CSMD1: variants seen among roughly 807,000 people sequenced by gnomAD.
CSMD1 encodes CUB and sushi domain-containing protein 1.
A neutral mutation model predicts 417.5 loss-of-function variants in CSMD1; 213 were observed. That is an observed-to-expected ratio of 0.51 (90% CI 0.46 to 0.57). The LOEUF (loss-of-function observed/expected upper bound fraction) is 0.57, where lower values mean the gene tolerates loss of function less well. Ranked by LOEUF, CSMD1 falls within the 20% of genes least tolerant of loss-of-function variation. The pLI, the probability that CSMD1 is intolerant of heterozygous loss-of-function variation, is 0.00. For synonymous variants in CSMD1, 2,862 were observed against 1,736.8 expected (o/e 1.65, Z -16.11); for missense variants, 6,923 against 4,529.7 (o/e 1.53, Z -15.17).
At chr8:3,394,012 TTATATATATATATATATATATATA>T (rs1175905929) in intron 17 of CSMD1, among the ~76,000 whole-genome samples, 3 of 31,632 alleles carry the variant, frequency 9.5e-5, no homozygotes, top group Non-Finnish European at 1.8e-4. Context: ...AAAAAATAAA[TTATATATATATATATATATATATA>T]TATATATATA....
At chr8:3,115,497 C>T (rs1457310621) in intron 42 of CSMD1, among the ~76,000 whole-genome samples, 3 of 152,132 alleles carry the variant, frequency 2.0e-5, no homozygotes, top group Non-Finnish European at 4.4e-5. Flanking sequence ...CCACTGTGCC[C>T]GGCCTAAAAC....
chr8:3,545,996 T>A (rs1300922325), intron 10 of CSMD1, among the ~76,000 whole-genome samples: 2 of 152,220 alleles, frequency 1.3e-5, no homozygotes, highest in African/African-American at 4.8e-5. Context: ...AACATATTGA[T>A]GAGTCACATG....
intron 6 of CSMD1, among the ~76,000 whole-genome samples, chr8:3,712,440 G>C (rs781528767): frequency 6.2e-5 from 4 of 65,026 alleles, no homozygotes; most frequent in Non-Finnish European, 7.4e-5. Flanking sequence ...CAGACAGACA[G>C]ACAGAGAGAG....
chr8:4,542,858 CA>C (rs1797457820), intron 2 of CSMD1, among the ~76,000 whole-genome samples: 1 of 151,946 alleles, frequency 6.6e-6, no homozygotes, highest in Admixed American at 6.6e-5. Context: ...GTTTTTTTCA[CA>C]GTATATTTCT....
intron 4 of CSMD1, among the ~76,000 whole-genome samples, chr8:4,009,175 T>C (rs920023841): frequency 6.6e-6 from 1 of 152,226 alleles, no homozygotes; most frequent in Non-Finnish European, 1.5e-5. Flanking sequence ...TTTGAATCTA[T>C]TTATTTCTGT....
intron 4 of CSMD1, among the ~76,000 whole-genome samples, chr8:4,002,223 G>C (rs1222735222): frequency 1.3e-5 from 2 of 152,048 alleles, no homozygotes; most frequent in African/African-American, 2.4e-5. Flanking sequence ...GTGTGAGTGT[G>C]TGTGCATGTG....
chr8:4,003,095 T>C (rs767440954), intron 4 of CSMD1, among the ~76,000 whole-genome samples: 5 of 152,132 alleles, frequency 3.3e-5, no homozygotes, highest in Non-Finnish European at 7.4e-5. Flanking sequence ...GCTTTGTATT[T>C]TAAGAAACAA....
At chr8:3,311,331 C>A (rs1056813632) in intron 23 of CSMD1, among the ~76,000 whole-genome samples, 14 of 152,090 alleles carry the variant, frequency 9.2e-5, no homozygotes, top group South Asian at 2.1e-4. Flanking sequence ...CTCACTGCAA[C>A]CTCCATCTCC....
chr8:2,996,546 T>C (rs1301077989), intron 54 of CSMD1, among the ~76,000 whole-genome samples: 1 of 152,240 alleles, frequency 6.6e-6, no homozygotes, highest in African/African-American at 2.4e-5. Context: ...CTCTGCTCCG[T>C]ATGGAGTCCT....
In CSMD1 at chr8:4,453,981, C is replaced by A. The variant is rs546072166; in HGVS notation, c.303-33916G>T. 1.2e-3 allele frequency among the ~76,000 whole-genome samples: 182 copies of A among 151,794 alleles called. 1 individual carries two copies. In the Middle Eastern group the frequency reaches 0.021, roughly 17 times the overall value. ...GGACTACAGGCGCCCGCCACCGCGC[C>A]CGGCTAATTTTTTGTATTTTTTAGT... On this transcript the variant is annotated intron_variant, in intron 2 of 69. Transcript: ENST00000635120.
chr8:3,761,940 G>C (rs181934521), intron 5 of CSMD1, among the ~76,000 whole-genome samples: 13 of 152,098 alleles, frequency 8.5e-5, no homozygotes, highest in Middle Eastern at 6.8e-3. Flanking sequence ...ACTCTCTGAG[G>C]CACCATCATG....
intron 5 of CSMD1, among the ~76,000 whole-genome samples, chr8:3,764,143 A>G (rs979448597): frequency 5.3e-5 from 8 of 152,188 alleles, no homozygotes; most frequent in African/African-American, 1.7e-4. Flanking sequence ...GGGAGTGCAC[A>G]GCACTCTCTC....
chr8:4,426,714 T>G (rs1208343147), intron 2 of CSMD1, among the ~76,000 whole-genome samples: 1 of 147,534 alleles, frequency 6.8e-6, no homozygotes, highest in Non-Finnish European at 1.5e-5. Flanking sequence ...TGCAGTAATA[T>G]TTTATTACTA....
intron 2 of CSMD1, among the ~76,000 whole-genome samples, chr8:4,607,030 G>A (rs753336924): frequency 3.9e-5 from 6 of 152,114 alleles, no homozygotes; most frequent in African/African-American, 1.2e-4. Flanking sequence ...GGTAAAGTTT[G>A]AAAATCGATC....
chr8:3,012,717 C>G (rs181537467), intron 52 of CSMD1, among the ~76,000 whole-genome samples: 2 of 152,294 alleles, frequency 1.3e-5, no homozygotes, highest in African/African-American at 4.8e-5. Flanking sequence ...GAAGATCCAC[C>G]TGTTTAAAAA....
chr8:4,015,146 G>C (rs370242166), intron 4 of CSMD1, among the ~76,000 whole-genome samples: 1 of 152,168 alleles, frequency 6.6e-6, no homozygotes, highest in Non-Finnish European at 1.5e-5. Context: ...AAAATTGAAA[G>C]CTAGGTTTCT....
intron 3 of CSMD1, among the ~76,000 whole-genome samples, chr8:4,271,350 G>A (rs929755023): frequency 1.3e-5 from 2 of 152,128 alleles, no homozygotes; most frequent in Admixed American, 6.6e-5. Context: ...CACTGGCAGT[G>A]CTTGGAAAAT....
At chr8:4,227,588 C>G (rs993746285) in intron 3 of CSMD1, among the ~76,000 whole-genome samples, 2 of 152,022 alleles carry the variant, frequency 1.3e-5, no homozygotes, top group Non-Finnish European at 2.9e-5. Flanking sequence ...TCCCACAGCC[C>G]CCGACCTCAG....
At chr8:4,099,310 T>C (rs1053493497) in intron 3 of CSMD1, among the ~76,000 whole-genome samples, 5 of 152,148 alleles carry the variant, frequency 3.3e-5, no homozygotes, top group African/African-American at 4.8e-5. Context: ...CTGAATTACA[T>C]GAAGGAGCTA....
Sources: allele counts gnomAD v4.1 joint callset (sites outside exome capture counted in the v4.1 genomes callset), GRCh38; gene constraint gnomAD v4.1.1; transcripts MANE v1.5; gene names NCBI Gene and HGNC (gene_info 2026-07-23, HGNC 2026-07-21).